Variants in CUL2 observed in about 807,000 individuals in gnomAD.
CUL2 encodes the protein cullin 2.
A neutral mutation model predicts 110.2 loss-of-function variants in CUL2; 22 were observed. The observed-to-expected ratio is 0.20, with a 90% confidence interval of 0.14 to 0.28. The LOEUF is 0.28. Among genes scored for constraint, CUL2 ranks in the 10% least tolerant of loss-of-function variants. CUL2 has a pLI of 1.00. For synonymous variants in CUL2, 279 were observed against 293.2 expected (o/e 0.95, Z 0.49); for missense variants, 631 against 905.5 (o/e 0.70, Z 3.89).
chr10:35,013,800 C>T lies in CUL2; in HGVS notation c.1888G>A (p.Glu630Lys), dbSNP rs2134621230. 6.9e-7 allele frequency: 1 copy of T among 1,453,684 alleles called. No individual in the cohort carries two copies. Among genetic ancestry groups the T allele is most frequent in the Non-Finnish European group, 9.2e-7 (1 of 1,084,136 alleles). 90.0% of individuals were successfully genotyped at this position (1,453,684 alleles called of 1,614,324 possible). A position where few individuals can be genotyped will look rare whatever the true frequency, so the allele number is the denominator to read the frequency against. The change falls in exon 19 of 21, where the codon GAA becomes AAA. Residue 630 changes from glutamate (E) to lysine (K), a missense_variant and splice_region_variant. Transcript: ENST00000374749. ...AACGAAGATTCTGCATCAATATCTT[C>T]CTACATTTAAAAATAAAACATTTAT... ...VKMINHDSEK[E>K]DIDAESSFSL...
At chr10:35,019,733 C>T (rs2085136184) in intron 17 of CUL2, among the ~76,000 whole-genome samples, 1 of 152,186 alleles carries the variant, frequency 6.6e-6, no homozygotes, top group Non-Finnish European at 1.5e-5. Flanking sequence ...CCAAGTCACT[C>T]CCCAGTATCT....
rs201400506 is a variant in CUL2 at position 35,025,217 on chromosome 10, A to G, written c.1618-19T>C. On this transcript the variant is annotated intron_variant, in intron 16 of 20. Coordinates refer to ENST00000374749, the MANE Select transcript of CUL2 (RefSeq NM_003591.4). Reference sequence around the variant, plus strand: ...ATTCAAACTGTAAAAAAAAAAAAAAAACACACATTATTTTTAGCTACTATA... The same window carrying G: ...ATTCAAACTGTAAAAAAAAAAAAAAGACACACATTATTTTTAGCTACTATA... 1.3e-6 allele frequency: 2 copies of G among 1,536,678 alleles called. No individual in the cohort carries two copies. The highest frequency in any genetic ancestry group is 1.7e-6 in the Non-Finnish European group (2 of 1,151,064).
intron 1 of CUL2, among the ~76,000 whole-genome samples, chr10:35,117,652 G>C (rs2087625468): frequency 6.6e-6 from 1 of 152,050 alleles, no homozygotes; most frequent in Non-Finnish European, 1.5e-5. Context: ...GAATAGAAGA[G>C]TTGGGAATAT....
At chr10:35,078,181 GT>G (rs921028301) in intron 1 of CUL2, among the ~76,000 whole-genome samples, 2 of 151,982 alleles carry the variant, frequency 1.3e-5, no homozygotes, top group African/African-American at 4.8e-5. Context: ...AAAACACATG[GT>G]ACTGTCCCTA....
At chr10:35,100,383 T>C (rs1166027419) in intron 2 of CUL2, among the ~76,000 whole-genome samples, 3 of 152,186 alleles carry the variant, frequency 2.0e-5, no homozygotes, top group Non-Finnish European at 4.4e-5. Context: ...TCATCACATT[T>C]CTCTTATTAG....
chr10:35,100,133 A>T (rs1418955777), intron 2 of CUL2, among the ~76,000 whole-genome samples: 1 of 151,844 alleles, frequency 6.6e-6, no homozygotes, highest in South Asian at 2.1e-4. Flanking sequence ...ATTTAATAAA[A>T]TATTATATAA....
chr10:35,042,196 C>T (rs991683640), intron 8 of CUL2, among the ~76,000 whole-genome samples: 1 of 151,534 alleles, frequency 6.6e-6, no homozygotes, highest in African/African-American at 2.5e-5. Context: ...AACCTCTAAT[C>T]TATCTTCTGT....
At chr10:35,109,924 A>G (rs1234863515) in intron 1 of CUL2, among the ~76,000 whole-genome samples, 1 of 152,198 alleles carries the variant, frequency 6.6e-6, no homozygotes, top group Non-Finnish European at 1.5e-5. Context: ...CTGTAATCTC[A>G]GAACTTTGGA....
At chr10:35,116,326 C>A (rs1466643094) in intron 1 of CUL2, among the ~76,000 whole-genome samples, 1 of 151,934 alleles carries the variant, frequency 6.6e-6, no homozygotes, top group South Asian at 2.1e-4. Flanking sequence ...GCCTGGGCGA[C>A]GGAGCCAGAC....
chr10:35,041,318 T>C (rs529717116), intron 8 of CUL2, among the ~76,000 whole-genome samples: 43 of 152,124 alleles, frequency 2.8e-4, no homozygotes, highest in African/African-American at 9.9e-4. Context: ...GAGAGGCGCA[T>C]ATCAAGAGAA....
At chr10:35,077,501 A>T (rs1241971186) in intron 1 of CUL2, among the ~76,000 whole-genome samples, 5 of 151,870 alleles carry the variant, frequency 3.3e-5, no homozygotes. Context: ...CGTCTCAAAA[A>T]ATAATAATAA....
At chr10:35,011,774 GAAGA>G (rs2084908182) in intron 20 of CUL2, 70 bp downstream of exon 20, 1 of 730,150 alleles carries the variant, frequency 1.4e-6, no homozygotes, top group Non-Finnish European at 2.4e-6. Flanking sequence ...TCCTCTTTAA[GAAGA>G]AAGAGACTGA....
chr10:35,038,282 T>C (rs1038046687), intron 9 of CUL2, among the ~76,000 whole-genome samples: 5 of 151,868 alleles, frequency 3.3e-5, no homozygotes, highest in African/African-American at 1.2e-4. Flanking sequence ...TCCCAGCACT[T>C]TGGGAGGCTG....
intron 17 of CUL2, among the ~76,000 whole-genome samples, chr10:35,021,883 A>G (rs138188209): frequency 9.7e-5 from 2 of 20,616 alleles, no homozygotes; most frequent in Non-Finnish European, 1.8e-4. Context: ...AGGTGGGGTG[A>G]GGTGGGGTGA....
chr10:35,105,828 A>G (rs1218838996), intron 1 of CUL2, among the ~76,000 whole-genome samples: 5 of 678 alleles, frequency 7.4e-3, no homozygotes, highest in South Asian at 0.038. Flanking sequence ...AATGTCCTGA[A>G]AAAAAAAAAA....
At chr10:35,048,688 TCC>T (rs2086013758) in intron 6 of CUL2, among the ~76,000 whole-genome samples, 1 of 152,236 alleles carries the variant, frequency 6.6e-6, no homozygotes. Context: ...GCCTTTCCTC[TCC>T]AGCTCTCTAT....
At chr10:35,114,628 GC>G (rs2087569725) in intron 1 of CUL2, among the ~76,000 whole-genome samples, 1 of 150,890 alleles carries the variant, frequency 6.6e-6, no homozygotes, top group South Asian at 2.1e-4. Context: ...TGATCTGTCC[GC>G]CTCGGCCTCC....
intron 17 of CUL2, among the ~76,000 whole-genome samples, chr10:35,018,361 T>C (rs1167968702): frequency 6.8e-6 from 1 of 147,118 alleles, no homozygotes; most frequent in Admixed American, 6.8e-5. Flanking sequence ...CATTGTTAAC[T>C]CAAGGAAGCT....
intron 1 of CUL2, among the ~76,000 whole-genome samples, chr10:35,112,140 T>C (rs2087531100): frequency 6.6e-6 from 1 of 152,250 alleles, no homozygotes; most frequent in Non-Finnish European, 1.5e-5. Flanking sequence ...TGCTTCTCAC[T>C]GGTCTTCCCT....
Sources: gnomAD v4.1 joint callset for allele counts (sites outside exome capture counted in the v4.1 genomes callset) on GRCh38, gnomAD v4.1.1 for gene constraint, MANE v1.5 for transcripts, NCBI Gene and HGNC (gene_info 2026-07-23, HGNC 2026-07-21) for gene names.